Variants in MSH6 observed in about 807,000 individuals in gnomAD.
MSH6 encodes the protein DNA mismatch repair protein Msh6.
A neutral mutation model predicts 119.1 loss-of-function variants in MSH6; 85 were observed. The observed-to-expected ratio is 0.71, with a 90% CI of 0.60 to 0.85. The LOEUF (loss-of-function observed/expected upper bound fraction) is 0.85, where lower values mean the gene tolerates loss of function less well. Among genes scored for constraint, MSH6 ranks in the 40% least tolerant of loss-of-function variants. The probability of loss-of-function intolerance (pLI) is 0.00; values close to 1 mark genes in which losing one functional copy is unlikely to be tolerated. For synonymous variants in MSH6, 830 were observed against 586.9 expected (o/e 1.41, Z -5.99); for missense variants, 2,163 against 1,655.3 (o/e 1.31, Z -5.32).
At chr2:47,807,945 A>G, downstream of MSH6, 2 of 617,552 alleles carry the variant, frequency 3.2e-6, no homozygotes. Flanking sequence ...CTGAGTCAAT[A>G]TATTGCCACT....
rs587782101 is a variant in MSH6, at chr2:47,791,060, C to G, written c.394C>G (p.Gln132Glu). 6.2e-7 allele frequency: 1 copy of G among 1,614,162 alleles called. No homozygotes were observed. The highest frequency in any genetic ancestry group is 8.5e-7 in the Non-Finnish European group (1 of 1,180,026). Residue 132 changes from glutamine (Q) to glutamate (E), a missense_variant, in exon 2 of 10, where the codon CAG (glutamine) becomes GAG (glutamate). By Grantham distance (29) the Gln-to-Glu change is conservative (BLOSUM62 2). Coordinates refer to ENST00000234420, the MANE Select transcript of MSH6 (RefSeq NM_000179.3). Reference protein sequence around the residue: ...EKGKSVRVHVQFFDDSPTRGW... With the variant: ...EKGKSVRVHVEFFDDSPTRGW... ...AGGGAAATCAGTCCGTGTTCATGTACAGTTTTTTGATGACAGCCCAACAAG... is the reference window on the plus strand; with the variant it reads ...AGGGAAATCAGTCCGTGTTCATGTAGAGTTTTTTGATGACAGCCCAACAAG...
At chr2:47,809,743 TTTATAC>T, downstream of MSH6, 2 of 1,361,278 alleles carry the variant, frequency 1.5e-6, no homozygotes, top group Non-Finnish European at 2.1e-6. Flanking sequence ...GATACATCAC[TTTATAC>T]TGCTTCTTAA....
intron 2 of MSH6, among the ~76,000 whole-genome samples, chr2:47,795,693 A>G (rs558623550): frequency 1.3e-5 from 2 of 151,876 alleles, no homozygotes; most frequent in South Asian, 4.2e-4. Context: ...CTGGTCTTGA[A>G]TTCCTGACCT....
At chr2:47,788,922 G>GTTTTTTTTTTTTTTTTTTTTTTTTTTTTT (rs1558650240) in intron 1 of MSH6, among the ~76,000 whole-genome samples, 1 of 40,952 alleles carries the variant, frequency 2.4e-5, no homozygotes, top group Non-Finnish European at 4.2e-5. Flanking sequence ...TTTTTTTTTT[G>GTTTTTTTTTTTTTTTTTTTTTTTTTTTTT]TTTTTTTTTT....
chr2:47,791,675 CTTTTT>C (rs575880393), intron 2 of MSH6, among the ~76,000 whole-genome samples: 1 of 132,506 alleles, frequency 7.5e-6, no homozygotes, highest in Non-Finnish European at 1.6e-5. Flanking sequence ...CTCTTTCTTT[CTTTTT>C]TTTTTTTTTT....
At position 47,804,951 on chromosome 2, in the gene MSH6, C is replaced by G. The variant is rs786201385; in HGVS notation, c.3480C>G (p.Val1160=). 6.2e-7 allele frequency: 1 copy of G among 1,614,106 alleles called. No homozygotes were observed. The highest frequency in any genetic ancestry group is 8.5e-7 in the Non-Finnish European group (1 of 1,179,996). Residue 1160 remains valine, a synonymous_variant, in exon 6 of 10, where the codon GTC becomes GTG. Transcript: ENST00000234420. ...TAATGGCCCAGATGGGTTGTTACGT[C>G]CCTGCTGAAGTGTGCAGGCTCACAC... ...LAVMAQMGCY[V]PAEVCRLTPI...
chr2:47,806,152 TTTTGTTTTAATTCC>T, intron 7 of MSH6, 38 bp from the exon 8 acceptor site: 1 of 1,578,218 alleles, frequency 6.3e-7, no homozygotes, highest in Non-Finnish European at 8.7e-7. Flanking sequence ...TTAATTCCTT[TTTTGTTTTAATTCC>T]TTTGAGTTAC....
intron 4 of MSH6, among the ~76,000 whole-genome samples, chr2:47,801,915 A>G (rs1669625094): frequency 2.0e-5 from 3 of 152,100 alleles, no homozygotes; most frequent in Admixed American, 2.0e-4. Context: ...AAGTGCTGGG[A>G]TTACAGGCAT....
At chr2:47,809,057 T>C (rs1389195431), downstream of MSH6, 11 of 670,152 alleles carry the variant, frequency 1.6e-5, no homozygotes, top group Middle Eastern at 3.4e-4. Flanking sequence ...CAGTTAGTTA[T>C]AGTCTCAACA....
chr2:47,783,898 C>T, intron 1 of MSH6: 1 of 789,474 alleles, frequency 1.3e-6, no homozygotes, highest in Non-Finnish European at 1.4e-6. Flanking sequence ...ACTTGGTGGG[C>T]GGGGCGGGGG....
In MSH6 at chr2:47,783,157, A is replaced by T. The variant is rs1668101782; in HGVS notation, c.-77A>T. 6.3e-7 allele frequency: 1 copy of T among 1,584,870 alleles called. No individual in the cohort carries two copies. The highest frequency in any genetic ancestry group is 1.1e-5 in the South Asian group (1 of 88,478). ...CGCGCCTCCCCCCAGATTTCCCGCC[A>T]GCAGGAGCCGCGCGGTAGATGCGGT... is the stretch of plus-strand genomic sequence containing the variant. On this transcript the variant is annotated 5_prime_UTR_variant, in exon 1 of 10. Transcript: ENST00000234420.
chr2:47,799,091 T>C lies in MSH6; in HGVS notation c.1108T>C (p.Leu370=). ...SRPTVWYHET[L]EWLKEEKRRD... is the part of the protein sequence containing the mutation. ...CCCTACTGTTTGGTATCATGAAACT[T>C]TAGAATGGCTTAAGGAGGAAAAGAG... Residue 370 remains leucine, a synonymous_variant, in exon 4 of 10, where the codon TTA becomes CTA. Coordinates refer to ENST00000234420, the MANE Select transcript of MSH6 (RefSeq NM_000179.3). The C allele has an allele frequency of 6.2e-7, 1 of 1,614,062 alleles. No individual in the cohort carries two copies. Among genetic ancestry groups the C allele is most frequent in the South Asian group, 1.1e-5 (1 of 91,078 alleles).
rs910193824 is a variant in MSH6, at chr2:47,795,669, C to T, written c.458-225C>T. The stretch of plus-strand genomic sequence containing the variant: ...TTTTTTTGGTAGAGATGGGGTTTCA[C>T]CACATTGCCCAGGCTGGTCTTGAAT... On this transcript the variant is annotated intron_variant, in intron 2 of 9. Coordinates refer to ENST00000234420, the MANE Select transcript of MSH6 (RefSeq NM_000179.3). 3.3e-5 allele frequency among the ~76,000 whole-genome samples: 5 copies of T among 151,874 alleles called. 1 individual carries two copies. Among genetic ancestry groups the T allele is most frequent in the African/African-American group, 7.2e-5 (3 of 41,434 alleles).
At position 47,798,669 on chromosome 2, in the gene MSH6, AG is replaced by A. The variant is rs1669245178; in HGVS notation, c.688del (p.Glu230LysfsTer16). On this transcript the variant is annotated frameshift_variant, in exon 4 of 10. Transcript: ENST00000234420. LOFTEE classifies it high-confidence loss of function. ...GAAGATAATGAAATTGAGAGTGAAG[AG>A]GAAGTACAGCCTAAGACACAAGGAT... The part of the protein sequence containing the change: ...SEEDNEIESE[E>X]EVQPKTQGSR... 1 of 1,613,656 alleles carries A rather than the reference AG, an allele frequency of 6.2e-7. No homozygotes were observed.
downstream of MSH6, chr2:47,809,430 T>G: frequency 1.5e-6 from 1 of 679,834 alleles, no homozygotes; most frequent in Non-Finnish European, 2.4e-6. Flanking sequence ...AGAATTTTCC[T>G]TGTATAAGAT....
chr2:47,804,441 C>G (rs1268940705), intron 5 of MSH6, among the ~76,000 whole-genome samples: 2 of 151,938 alleles, frequency 1.3e-5, no homozygotes, highest in African/African-American at 2.4e-5. Context: ...TACTTCTGTT[C>G]ACCTAGTTTG....
rs1064796117 is a variant in MSH6, at chr2:47,795,882, AT to A, written c.458-9del. On this transcript the variant is annotated splice_polypyrimidine_tract_variant and intron_variant, in intron 2 of 9. Coordinates refer to ENST00000234420, the MANE Select transcript of MSH6 (RefSeq NM_000179.3). The stretch of plus-strand genomic sequence containing the variant: ...CCCGGCCCTTATTGTTTATAAATAC[AT>A]TTCTTTCTAGGTTCAAAATCAAAGG... 4 of 1,612,982 alleles carry A rather than the reference AT, an allele frequency of 2.5e-6. No homozygotes were observed. In the East Asian group the frequency reaches 8.9e-5, roughly 36 times the overall value.
At chr2:47,789,256 T>C (rs968027289) in intron 1 of MSH6, 6 of 305,736 alleles carry the variant, frequency 2.0e-5, no homozygotes, top group African/African-American at 1.4e-4. Context: ...AGAGAAATTA[T>C]GTGTCAGATT....
At chr2:47,789,420 T>C in intron 1 of MSH6, 1 of 470,032 alleles carries the variant, frequency 2.1e-6, no homozygotes, top group Non-Finnish European at 4.4e-6. Flanking sequence ...TTTTTTTTCC[T>C]AGTGAGGATG....
Sources: allele counts gnomAD v4.1 joint callset (sites outside exome capture counted in the v4.1 genomes callset), GRCh38; gene constraint gnomAD v4.1.1; transcripts MANE v1.5; gene names NCBI Gene and HGNC (gene_info 2026-07-23, HGNC 2026-07-21).